The following EVC2 variants were observed in gnomAD, a reference collection of about 807,000 sequenced individuals.
The protein encoded by EVC2 is limbin.
In EVC2, 148 loss-of-function variants were observed where a neutral mutation model predicts 149.3. That is an observed-to-expected ratio of 0.99 (90% CI 0.87 to 1.14). EVC2 has a LOEUF of 1.14. Ranked by LOEUF, EVC2 falls within the 50% of genes most tolerant of loss-of-function variation. The pLI, the probability that EVC2 is intolerant of heterozygous loss-of-function variation, is 0.00. For synonymous variants in EVC2, 776 were observed against 649.9 expected (o/e 1.19, Z -2.95); for missense variants, 1,854 against 1,627.3 (o/e 1.14, Z -2.40).
At chr4:5,586,694 C>T (rs1712310368) in intron 16 of EVC2, among the ~76,000 whole-genome samples, 1 of 152,212 alleles carries the variant, frequency 6.6e-6, no homozygotes, top group African/African-American at 2.4e-5. Flanking sequence ...GACAATAACT[C>T]TTTCAACCAA....
chr4:5,545,094 G>A (rs10937653), intron 21 of EVC2, among the ~76,000 whole-genome samples: 45,144 of 152,056 alleles, frequency 0.3, 8,015 homozygotes, highest in East Asian at 0.86. Context: ...CCAGAAAGGG[G>A]GCTTCCTTCC....
At chr4:5,555,425 A>G (rs570302087) in intron 21 of EVC2, among the ~76,000 whole-genome samples, 2 of 152,312 alleles carry the variant, frequency 1.3e-5, no homozygotes, top group African/African-American at 2.4e-5. Context: ...AATTATAAAA[A>G]CAGAGACAAG....
intron 1 of EVC2, among the ~76,000 whole-genome samples, chr4:5,701,740 T>C (rs1032948804): frequency 6.6e-6 from 1 of 152,204 alleles, no homozygotes; most frequent in Non-Finnish European, 1.5e-5. Context: ...TCAACAGCAG[T>C]GATTTCCAAC....
At chr4:5,572,190 G>C (rs1722682018) in intron 19 of EVC2, among the ~76,000 whole-genome samples, 1 of 152,178 alleles carries the variant, frequency 6.6e-6, no homozygotes, top group African/African-American at 2.4e-5. Context: ...GCACCAAGTT[G>C]GGGACAGAGA....
chr4:5,628,491 G>T, intron 12 of EVC2, 68 bp downstream of exon 12: 1 of 1,571,060 alleles, frequency 6.4e-7, no homozygotes, highest in Non-Finnish European at 8.7e-7. Flanking sequence ...CCAGTCTGTG[G>T]TATTCTGTCA....
At chr4:5,638,417 G>A (rs911836880) in intron 10 of EVC2, among the ~76,000 whole-genome samples, 6 of 151,556 alleles carry the variant, frequency 4.0e-5, no homozygotes, top group African/African-American at 1.5e-4. Context: ...AATTGTAACA[G>A]ATTTAGGAAA....
rs1332671286 is a variant in EVC2 at position 5,567,228 on chromosome 4, G to A, written c.3557+1216C>T. 1.3e-5 allele frequency among the ~76,000 whole-genome samples: 2 copies of A among 152,114 alleles called. No homozygotes were observed. Among genetic ancestry groups the A allele is most frequent in the Admixed American group, 6.5e-5 (1 of 15,274 alleles). ...ACTATACTGGGCCCCAAGGCCACTA[G>A]GAAGGCTCTTCGACACTGTGGCCTC... is the stretch of plus-strand genomic sequence containing the variant. On this transcript the variant is annotated intron_variant, in intron 20 of 21. Transcript: ENST00000344408. This position sits in a 1 kb window ranked among gnomAD's most constrained non-coding sequence, Gnocchi z 4.4.
chr4:5,599,081 G>C (rs1239749315), intron 16 of EVC2, among the ~76,000 whole-genome samples: 5 of 152,074 alleles, frequency 3.3e-5, no homozygotes, highest in Non-Finnish European at 5.9e-5. Flanking sequence ...ATAGGTGCTG[G>C]AGAGGATGTG....
At chr4:5,594,693 A>C (rs1713208692) in intron 16 of EVC2, among the ~76,000 whole-genome samples, 1 of 152,218 alleles carries the variant, frequency 6.6e-6, no homozygotes, top group South Asian at 2.1e-4. Flanking sequence ...GCAGCTCCTC[A>C]CCAGCAACGG....
At chr4:5,681,106 G>A (rs577151520) in intron 7 of EVC2, among the ~76,000 whole-genome samples, 154 bp downstream of exon 7, 2 of 152,166 alleles carry the variant, frequency 1.3e-5, no homozygotes, top group Non-Finnish European at 2.9e-5. Context: ...CAGGGCACAC[G>A]GGGGACCCGA....
intron 9 of EVC2, among the ~76,000 whole-genome samples, chr4:5,656,888 T>C (rs2108887106): frequency 6.6e-6 from 1 of 152,250 alleles, no homozygotes; most frequent in South Asian, 2.1e-4. Flanking sequence ...CCTCTCCCTC[T>C]CACCTGGAAA....
intron 11 of EVC2, 144 bp from the exon 12 acceptor site, chr4:5,628,878 G>A: frequency 1.2e-6 from 1 of 846,932 alleles, no homozygotes; most frequent in South Asian, 1.7e-5. Flanking sequence ...TAACCTCCCT[G>A]CCTGTAACAA....
At chr4:5,563,753 C>G (rs115320625) in intron 21 of EVC2, among the ~76,000 whole-genome samples, 2,407 of 152,124 alleles carry the variant, frequency 0.016, 31 homozygotes, top group Non-Finnish European at 0.026. Flanking sequence ...AATCAGAAAC[C>G]ACTGCCCCCC....
chr4:5,639,867 C>T (rs564506537), intron 10 of EVC2, among the ~76,000 whole-genome samples: 44 of 150,728 alleles, frequency 2.9e-4, no homozygotes, highest in East Asian at 5.9e-4. Flanking sequence ...TCATTTTTTA[C>T]GTGAACTGAT....
At position 5,640,555 on chromosome 4, in the gene EVC2, T is replaced by A. The variant is rs1276196151; in HGVS notation, c.1429A>T (p.Met477Leu). 6.2e-7 allele frequency: 1 copy of A among 1,614,038 alleles called. No individual in the cohort carries two copies. Among genetic ancestry groups the A allele is most frequent in the Non-Finnish European group, 8.5e-7 (1 of 1,180,028 alleles). ...ENQYQREMMA[M>L]EEAEELLKRA... ...TTCAGCAACTCTTCTGCTTCCTCCA[T>A]TGCCATCATCTCTCTCTGGTACTGG... is the stretch of plus-strand genomic sequence containing the variant. The change falls in exon 10 of 22, where the codon ATG becomes TTG. Residue 477 changes from methionine to leucine, a missense_variant. Coordinates refer to ENST00000344408, the MANE Select transcript of EVC2 (RefSeq NM_147127.5). This position sits in a 1 kb window ranked among gnomAD's most constrained non-coding sequence, Gnocchi z 4.6.
At position 5,622,382 on chromosome 4, in the gene EVC2, C is replaced by T. The variant is rs1252235243; in HGVS notation, c.2501+155G>A. ...TGCGTGACATTCGAGGTCCTCCCCC[C>T]GGGGCGTTGAGTTTATATGACTAAT... On this transcript the variant is annotated intron_variant, in intron 14 of 21. Coordinates refer to ENST00000344408, the MANE Select transcript of EVC2 (RefSeq NM_147127.5). The surrounding 1 kb of genome is among the most constrained non-coding windows in gnomAD (Gnocchi z 5.8). Among the ~76,000 whole-genome samples the T allele has an allele frequency of 1.3e-5, 2 of 152,016 alleles. No individual in the cohort carries two copies. The highest frequency in any genetic ancestry group is 2.1e-4 in the South Asian group (1 of 4,804).
intron 3 of EVC2, among the ~76,000 whole-genome samples, chr4:5,693,133 G>A (rs529275200): frequency 2.0e-5 from 3 of 152,158 alleles, no homozygotes; most frequent in Non-Finnish European, 4.4e-5. Flanking sequence ...AGCTTGTGGA[G>A]CAAATAAATG....
At chr4:5,687,564 A>G (rs1720809895) in intron 5 of EVC2, among the ~76,000 whole-genome samples, 1 of 152,064 alleles carries the variant, frequency 6.6e-6, no homozygotes, top group Non-Finnish European at 1.5e-5. Flanking sequence ...GGAAGTTTGG[A>G]GGCAGAGGGG....
the EVC2 span, among the ~76,000 whole-genome samples, chr4:5,532,433 C>T: frequency 6.6e-6 from 1 of 152,156 alleles, no homozygotes; most frequent in Non-Finnish European, 1.5e-5. Flanking sequence ...GGCACTATGG[C>T]CCGGCCAAGT....
Sources: allele counts gnomAD v4.1 joint callset (sites outside exome capture counted in the v4.1 genomes callset), GRCh38; gene constraint gnomAD v4.1.1; non-coding constraint Gnocchi (gnomAD v3.1); transcripts MANE v1.5; gene names NCBI Gene and HGNC (gene_info 2026-07-23, HGNC 2026-07-21).